Variants in ATP8A1 observed in about 807,000 individuals in gnomAD.
The protein encoded by ATP8A1 is ATPase phospholipid transporting 8A1.
ATP8A1 carries 90 observed loss-of-function variants against 177.7 expected under a neutral mutation model. The observed-to-expected ratio is 0.51, with a 90% CI of 0.43 to 0.60. ATP8A1 has a LOEUF of 0.60. Ranked by LOEUF, ATP8A1 falls within the 20% of genes least tolerant of loss-of-function variation. The probability of loss-of-function intolerance (pLI) is 0.00; values close to 1 mark genes in which losing one functional copy is unlikely to be tolerated. For missense variants in ATP8A1, 1,072 were observed against 1,392.8 expected, an observed-to-expected ratio of 0.77 and a Z score of 3.67; for synonymous variants, 493 against 485.9, an observed-to-expected ratio of 1.01 and a Z score of -0.19.
intron 22 of ATP8A1, among the ~76,000 whole-genome samples, chr4:42,514,307 G>C (rs538213709): frequency 6.6e-6 from 1 of 152,098 alleles, no homozygotes; most frequent in African/African-American, 2.4e-5. Context: ...CAAAAACAAC[G>C]CATCCATCTT....
chr4:42,555,218 C>T (rs1176943208), intron 16 of ATP8A1, among the ~76,000 whole-genome samples: 1 of 145,568 alleles, frequency 6.9e-6, no homozygotes, highest in African/African-American at 2.6e-5. Context: ...CTGCCCCCCC[C>T]TAGAGAACCC....
intron 33 of ATP8A1, among the ~76,000 whole-genome samples, chr4:42,439,586 C>T (rs1282396225): frequency 1.3e-5 from 2 of 152,210 alleles, no homozygotes; most frequent in Non-Finnish European, 2.9e-5. Flanking sequence ...AATGAAGATA[C>T]AGTCATCGCT....
At position 42,441,168 on chromosome 4, in the gene ATP8A1, G is replaced by A. The variant is rs544755518; in HGVS notation, c.3123+2397C>T. Reference sequence around the variant, plus strand: ...AGATGCTAACATTTAACTTATGCTGGCATTACTTACAATATATTACTATAT... The same window carrying A: ...AGATGCTAACATTTAACTTATGCTGACATTACTTACAATATATTACTATAT... On this transcript the variant is annotated intron_variant, in intron 33 of 36. Coordinates refer to ENST00000381668, the MANE Select transcript of ATP8A1 (RefSeq NM_006095.2). Among the ~76,000 whole-genome samples, 68 of 152,028 alleles carry A rather than the reference G, an allele frequency of 4.5e-4. 1 individual carries two copies. The highest frequency in any genetic ancestry group is 3.0e-3 in the Admixed American group (46 of 15,272).
chr4:42,553,525 C>T (rs1213877622), intron 16 of ATP8A1, among the ~76,000 whole-genome samples: 1 of 151,868 alleles, frequency 6.6e-6, no homozygotes, highest in Admixed American at 6.6e-5. Context: ...GGAGAGAAGC[C>T]AGATATTTTA....
At chr4:42,567,581 C>T (rs185419213) in intron 15 of ATP8A1, among the ~76,000 whole-genome samples, 1 of 152,250 alleles carries the variant, frequency 6.6e-6, no homozygotes, top group East Asian at 1.9e-4. Flanking sequence ...AAAGCCTTCC[C>T]TATTGTTATT....
In ATP8A1 at chr4:42,599,011, T is replaced by A. The variant is rs1453571472; in HGVS notation, c.450+1467A>T. Among the ~76,000 whole-genome samples, 9 of 152,134 alleles carry A rather than the reference T, an allele frequency of 5.9e-5. No homozygotes were observed. In the South Asian group the frequency reaches 1.2e-3, roughly 21 times the overall value. On this transcript the variant is annotated intron_variant, in intron 6 of 36. Transcript: ENST00000381668. Reference sequence around the variant, plus strand: ...GAGATGACTGAAAATGCTATTATTATGGGTAATCCTGGCTGGTGATTTGTC... The same window carrying A: ...GAGATGACTGAAAATGCTATTATTAAGGGTAATCCTGGCTGGTGATTTGTC...
chr4:42,573,348 G>C (rs1732094098), intron 14 of ATP8A1, among the ~76,000 whole-genome samples: 2 of 152,182 alleles, frequency 1.3e-5, no homozygotes, highest in South Asian at 4.1e-4. Context: ...TCTCCTCTGG[G>C]ATGATTGTGG....
At chr4:42,524,955 C>T in intron 20 of ATP8A1, 108 bp from the exon 21 acceptor site, 1 of 597,778 alleles carries the variant, frequency 1.7e-6, no homozygotes, top group East Asian at 2.9e-5. Context: ...CCACCAATCT[C>T]TTTTGGCATT....
intron 1 of ATP8A1, among the ~76,000 whole-genome samples, chr4:42,637,595 G>A (rs964788241): frequency 1.2e-4 from 19 of 152,192 alleles, no homozygotes; most frequent in African/African-American, 4.6e-4. Flanking sequence ...CTTGTCATAT[G>A]GAGACTTGCT....
chr4:42,625,393 C>T (rs1737954434), intron 3 of ATP8A1: 1 of 394,286 alleles, frequency 2.5e-6, no homozygotes, highest in Non-Finnish European at 4.6e-6. Context: ...ATGAACAGTC[C>T]TTGCCACATC....
At chr4:42,490,957 C>T (rs1722682577) in intron 24 of ATP8A1, among the ~76,000 whole-genome samples, 1 of 152,022 alleles carries the variant, frequency 6.6e-6, no homozygotes, top group African/African-American at 2.4e-5. Context: ...ACAGAATAAC[C>T]AAATTATTAA....
At chr4:42,556,287 C>T in intron 15 of ATP8A1, 2 of 313,290 alleles carry the variant, frequency 6.4e-6, no homozygotes, top group Non-Finnish European at 1.2e-5. Context: ...TTCATTTTTT[C>T]TGGAGTTAAA....
intron 23 of ATP8A1, among the ~76,000 whole-genome samples, chr4:42,505,795 T>G (rs1247850182): frequency 1.3e-5 from 2 of 152,262 alleles, no homozygotes; most frequent in African/African-American, 2.4e-5. Context: ...TGCTGTGAAC[T>G]CCTCTAAAAT....
At chr4:42,517,022 C>G (rs1056945395) in intron 22 of ATP8A1, among the ~76,000 whole-genome samples, 1 of 152,048 alleles carries the variant, frequency 6.6e-6, no homozygotes, top group African/African-American at 2.4e-5. Context: ...TGATTTAGGC[C>G]AGGCACGGTG....
intron 5 of ATP8A1, among the ~76,000 whole-genome samples, chr4:42,600,881 A>G (rs1735178513): frequency 6.6e-6 from 1 of 152,228 alleles, no homozygotes; most frequent in African/African-American, 2.4e-5. Context: ...AGCAATGTTT[A>G]AAAAGAAAAA....
At chr4:42,472,279 TAGG>T (rs1720511624) in intron 25 of ATP8A1, 2 of 545,352 alleles carry the variant, frequency 3.7e-6, no homozygotes, top group Admixed American at 2.0e-5. Context: ...GGACAAAGCA[TAGG>T]AGAACAACAT....
At chr4:42,646,433 G>A (rs1213182955) in intron 1 of ATP8A1, among the ~76,000 whole-genome samples, 3 of 152,304 alleles carry the variant, frequency 2.0e-5, no homozygotes, top group Non-Finnish European at 2.9e-5. Context: ...GAAGGGACAC[G>A]GGAAAAAGAC....
rs749609027 is a variant in ATP8A1 at position 42,522,199 on chromosome 4, C to G, written c.1908G>C (p.Arg636Ser). 1 of 1,613,288 alleles carries G rather than the reference C, an allele frequency of 6.2e-7. No homozygotes were observed. Among genetic ancestry groups the G allele is most frequent in the South Asian group, 1.1e-5 (1 of 90,832 alleles). The change falls in exon 22 of 37, where the codon AGG (arginine) becomes AGC (serine). Residue 636 changes from arginine to serine, a missense_variant. By Grantham distance (110) the Arg-to-Ser change is moderately radical. Around this residue, in one of 5 missense-constraint regions of ATP8A1, gnomAD observed 388 missense variants for 471.7 expected, o/e 0.82. Transcript: ENST00000381668. ...YQRASTSVQN[R>S]LLKLEESYEL... is the part of the protein sequence containing the mutation. ...CATAACTCTCTTCGAGTTTGAGTAG[C>G]CTGTTCTGCACAGATGTAGATGCTC...
At chr4:42,555,126 TATCTATCTATCTAATCTATCTATC>T (rs1729977320) in intron 16 of ATP8A1, among the ~76,000 whole-genome samples, 14 of 79,956 alleles carry the variant, frequency 1.8e-4, no homozygotes, top group African/African-American at 3.2e-4. Context: ...TCTATCTATC[TATCTATCTATCTAATCTATCTATC>T]TATCTATCTA....
Sources: gnomAD v4.1 joint callset for allele counts (sites outside exome capture counted in the v4.1 genomes callset) on GRCh38, gnomAD v4.1.1 for gene constraint, gnomAD v4.1.1 regional missense constraint, MANE v1.5 for transcripts, NCBI Gene and HGNC (gene_info 2026-07-23, HGNC 2026-07-21) for gene names.